PSMA8: variants seen among roughly 807,000 people sequenced by gnomAD.
PSMA8 encodes the protein proteasome subunit alpha-type 8.
A neutral mutation model predicts 32.4 loss-of-function variants in PSMA8; 18 were observed. The ratio of observed to expected loss-of-function variants is 0.56; its 90% CI spans 0.38 to 0.82. The LOEUF is 0.82. Among genes scored for constraint, PSMA8 ranks in the 40% least tolerant of loss-of-function variants. The pLI, the probability that PSMA8 is intolerant of heterozygous loss-of-function variation, is 0.00. For missense variants in PSMA8, 298 were observed against 300.7 expected (o/e 0.99, Z 0.07); for synonymous variants, 104 against 98.1 (o/e 1.06, Z -0.36).
chr18:26,161,888 C>T (rs935218252), intron 4 of PSMA8, among the ~76,000 whole-genome samples: 3 of 152,090 alleles, frequency 2.0e-5, no homozygotes, highest in African/African-American at 7.2e-5. Flanking sequence ...GCAGAAAAGT[C>T]CAACAAACTC....
chr18:26,179,137 C>A lies in PSMA8; in HGVS notation c.660+7C>A. 2 of 1,603,468 alleles carry A rather than the reference C, an allele frequency of 1.2e-6. No homozygotes were observed. The highest frequency in any genetic ancestry group is 2.2e-5 in the South Asian group (2 of 90,172). ...AAGAAATCAACCTTTGAAGGTAAGT[C>A]ATTAACCAAAGAGGAAAAAGTATCT... is the stretch of plus-strand genomic sequence containing the variant. On this transcript the variant is annotated splice_region_variant and intron_variant, in intron 6 of 6. Transcript: ENST00000415576.
intron 2 of PSMA8, among the ~76,000 whole-genome samples, chr18:26,148,631 G>A (rs1035544749): frequency 6.6e-5 from 10 of 151,978 alleles, no homozygotes; most frequent in African/African-American, 9.7e-5. Flanking sequence ...CACTTTTGCC[G>A]CTGCTATTCA....
chr18:26,182,554 C>G (rs1372951988), intron 6 of PSMA8, among the ~76,000 whole-genome samples: 1 of 152,198 alleles, frequency 6.6e-6, no homozygotes, highest in African/African-American at 2.4e-5. Flanking sequence ...CACAGTCCAC[C>G]TAGTCACCCA....
intron 6 of PSMA8, among the ~76,000 whole-genome samples, chr18:26,180,123 G>GATC (rs2055298860): frequency 2.0e-5 from 3 of 151,954 alleles, no homozygotes. Context: ...CGTGGTGGCA[G>GATC]ACGCCTGTGA....
At chr18:26,139,769 T>C (rs1025427202) in intron 1 of PSMA8, among the ~76,000 whole-genome samples, 1 of 152,158 alleles carries the variant, frequency 6.6e-6, no homozygotes, top group East Asian at 1.9e-4. Flanking sequence ...AACCAGGTTG[T>C]TGTGGGCTGA....
At chr18:26,149,149 A>C (rs752410943) in intron 2 of PSMA8, among the ~76,000 whole-genome samples, 41 of 152,156 alleles carry the variant, frequency 2.7e-4, no homozygotes, top group Non-Finnish European at 5.7e-4. Flanking sequence ...GCCCCAAATC[A>C]TTTCTATGTA....
intron 1 of PSMA8, among the ~76,000 whole-genome samples, chr18:26,135,510 G>A (rs1387257422): frequency 6.6e-6 from 1 of 151,418 alleles, no homozygotes; most frequent in Non-Finnish European, 1.5e-5. Flanking sequence ...CTATTTAATT[G>A]GGCCCACTAG....
intron 4 of PSMA8, among the ~76,000 whole-genome samples, chr18:26,172,459 A>G (rs1444610967): frequency 6.6e-6 from 1 of 152,186 alleles, no homozygotes; most frequent in Non-Finnish European, 1.5e-5. Flanking sequence ...CAGGGAACTG[A>G]CTTGCAGGCT....
chr18:26,144,167 T>C (rs2054982473), intron 1 of PSMA8, among the ~76,000 whole-genome samples: 1 of 152,236 alleles, frequency 6.6e-6, no homozygotes, highest in South Asian at 2.1e-4. Flanking sequence ...ACCTAACTCC[T>C]GTTTATATTA....
intron 4 of PSMA8, among the ~76,000 whole-genome samples, chr18:26,159,517 A>G (rs972413855): frequency 6.6e-6 from 1 of 152,050 alleles, no homozygotes; most frequent in Non-Finnish European, 1.5e-5. Context: ...CCAAGTTACT[A>G]CACTCAATCT....
At position 26,140,130 on chromosome 18, in the gene PSMA8, G is replaced by A. The variant is rs187277837; in HGVS notation, c.103-4429G>A. On this transcript the variant is annotated intron_variant, in intron 1 of 6. Coordinates refer to ENST00000415576, the MANE Select transcript of PSMA8 (RefSeq NM_001025096.2). Reference sequence around the variant, plus strand: ...AAAAAGTAAGTACCTCTTCAGATTAGCTTCAGCAGGAAAAGTTCTTCACCA... The same window carrying A: ...AAAAAGTAAGTACCTCTTCAGATTAACTTCAGCAGGAAAAGTTCTTCACCA... 6.9e-4 allele frequency: 488 copies of A among 703,022 alleles called. 1 individual carries two copies. In the African/African-American group the frequency reaches 7.7e-3, roughly 11 times the overall value. 43.5% of individuals were successfully genotyped at this position (703,022 alleles called of 1,614,324 possible). A position where few individuals can be genotyped will look rare whatever the true frequency, so the allele number is the denominator to read the frequency against.
At chr18:26,150,391 A>ATCCCACCCC (rs2055036121) in intron 2 of PSMA8, among the ~76,000 whole-genome samples, 2 of 151,262 alleles carry the variant, frequency 1.3e-5, no homozygotes, top group Non-Finnish European at 2.9e-5. Flanking sequence ...CAGTGGGAGT[A>ATCCCACCCC]CAGTGGCACG....
At chr18:26,154,277 T>C (rs143070256) in intron 3 of PSMA8, among the ~76,000 whole-genome samples, 1 of 152,230 alleles carries the variant, frequency 6.6e-6, no homozygotes, top group African/African-American at 2.4e-5. Flanking sequence ...TTTAACTGAT[T>C]AGCTTATAAC....
intron 4 of PSMA8, among the ~76,000 whole-genome samples, chr18:26,166,624 C>A (rs1330222484): frequency 1.3e-5 from 2 of 152,104 alleles, no homozygotes; most frequent in African/African-American, 4.8e-5. Context: ...TGAGGAAAAG[C>A]AGTTTTGTGA....
At chr18:26,134,090 A>G in intron 1 of PSMA8, 23 bp downstream of exon 1, 2 of 1,562,068 alleles carry the variant, frequency 1.3e-6, no homozygotes, top group East Asian at 4.5e-5. Flanking sequence ...CTATTACCGG[A>G]CTATTCCCCG....
chr18:26,134,924 A>G lies in PSMA8; in HGVS notation c.102+857A>G, dbSNP rs568555329. 1.5e-3 allele frequency among the ~76,000 whole-genome samples: 224 copies of G among 152,064 alleles called. 1 individual carries two copies. The highest frequency in any genetic ancestry group is 5.1e-3 in the African/African-American group (211 of 41,446). ...AGCCGAGATCGTGCCATTGCACTCC[A>G]GCCTGGGCAACAAAAGCGAAACTCC... On this transcript the variant is annotated intron_variant, in intron 1 of 6. Coordinates refer to ENST00000415576, the MANE Select transcript of PSMA8 (RefSeq NM_001025096.2).
intron 1 of PSMA8, among the ~76,000 whole-genome samples, chr18:26,137,203 A>G (rs1293533493): frequency 6.6e-6 from 1 of 152,178 alleles, no homozygotes; most frequent in Non-Finnish European, 1.5e-5. Context: ...GATGCCTGTA[A>G]TGCTAGCACT....
At chr18:26,148,840 ATTTC>A (rs1218435921) in intron 2 of PSMA8, among the ~76,000 whole-genome samples, 1 of 152,036 alleles carries the variant, frequency 6.6e-6, no homozygotes, top group Non-Finnish European at 1.5e-5. Flanking sequence ...CCCCGGAGTA[ATTTC>A]TTTCTTTTTC....
intron 1 of PSMA8, among the ~76,000 whole-genome samples, chr18:26,143,641 A>T (rs2054977030): frequency 6.6e-6 from 1 of 152,054 alleles, no homozygotes; most frequent in South Asian, 2.1e-4. Context: ...TGCTTTGCAA[A>T]CGTTTATTCT....
Sources: gnomAD v4.1 joint callset for allele counts (sites outside exome capture counted in the v4.1 genomes callset) on GRCh38, gnomAD v4.1.1 for gene constraint, MANE v1.5 for transcripts, NCBI Gene and HGNC (gene_info 2026-07-23, HGNC 2026-07-21) for gene names.